DCDC2: variants seen among roughly 807,000 people sequenced by gnomAD.
DCDC2 encodes the protein doublecortin domain containing 2.
In DCDC2, 40 loss-of-function variants were observed where a neutral mutation model predicts 50.2. The observed-to-expected ratio is 0.80, with a 90% CI of 0.62 to 1.04. The LOEUF (loss-of-function observed/expected upper bound fraction) is 1.04, where lower values mean the gene tolerates loss of function less well. DCDC2 is among the 50% of genes least tolerant of loss of function. DCDC2 has a pLI of 0.00. For synonymous variants in DCDC2, 234 were observed against 210.6 expected, an observed-to-expected ratio of 1.11 and a Z score of -0.96; for missense variants, 570 against 581.9, an observed-to-expected ratio of 0.98 and a Z score of 0.21.
At chr6:24,251,489 A>C (rs901928712) in intron 7 of DCDC2, among the ~76,000 whole-genome samples, 1 of 152,162 alleles carries the variant, frequency 6.6e-6, no homozygotes, top group African/African-American at 2.4e-5. Context: ...AAATTCTGCT[A>C]TCTCAGAGAG....
chr6:24,325,865 T>C (rs1255993358), intron 2 of DCDC2, among the ~76,000 whole-genome samples: 2 of 149,014 alleles, frequency 1.3e-5, no homozygotes, highest in Non-Finnish European at 3.0e-5. Context: ...GGTTTTTAAA[T>C]AAAATTAAAA....
intron 4 of DCDC2, among the ~76,000 whole-genome samples, chr6:24,292,888 T>C (rs921211028): frequency 1.3e-5 from 2 of 152,162 alleles, no homozygotes; most frequent in Non-Finnish European, 2.9e-5. Flanking sequence ...CCAAAAATGG[T>C]TTCAGGCACT....
chr6:24,220,923 C>CAAGAGAGTGAGCGAGCGAGCGAGAGAGT (rs1762105008), intron 7 of DCDC2, among the ~76,000 whole-genome samples: 1 of 105,286 alleles, frequency 9.5e-6, no homozygotes, highest in East Asian at 3.8e-4. Context: ...AGCGAGCGAG[C>CAAGAGAGTGAGCGAGCGAGCGAGAGAGT]GAGAGCACAT....
chr6:24,349,638 G>A (rs1031181919), intron 2 of DCDC2, among the ~76,000 whole-genome samples: 6 of 152,102 alleles, frequency 3.9e-5, no homozygotes, highest in Admixed American at 3.3e-4. Context: ...GGACTGAGAG[G>A]TGGGACACGA....
At chr6:24,185,581 G>A (rs1220610203) in intron 8 of DCDC2, among the ~76,000 whole-genome samples, 1 of 152,024 alleles carries the variant, frequency 6.6e-6, no homozygotes, top group Admixed American at 6.6e-5. Context: ...GCTTTTTGGT[G>A]TAATCTCCTT....
intron 7 of DCDC2, among the ~76,000 whole-genome samples, chr6:24,262,382 CACTTAAATAAACTTGATAA>C (rs1391660714): frequency 4.6e-5 from 7 of 152,216 alleles, no homozygotes; most frequent in Non-Finnish European, 7.3e-5. Flanking sequence ...AGTGCCAGAG[CACTTAAATAAACTTGATAA>C]ACTTAAATAA....
At chr6:24,276,526 T>C (rs1048870853) in intron 7 of DCDC2, among the ~76,000 whole-genome samples, 1 of 152,162 alleles carries the variant, frequency 6.6e-6, no homozygotes, top group Non-Finnish European at 1.5e-5. Flanking sequence ...AACATAATTA[T>C]TAAGTGCCTC....
chr6:24,265,493 G>A (rs1236679448), intron 7 of DCDC2, among the ~76,000 whole-genome samples: 1 of 151,956 alleles, frequency 6.6e-6, no homozygotes, highest in African/African-American at 2.4e-5. Flanking sequence ...TCATTCTCAA[G>A]GATAGATCAT....
rs371493288 is a variant in DCDC2, at chr6:24,219,811, T to C, written c.923-14709A>G. On this transcript the variant is annotated intron_variant, in intron 7 of 9. Coordinates refer to ENST00000378454, the MANE Select transcript of DCDC2 (RefSeq NM_016356.5). Reference sequence around the variant, plus strand: ...CATGAGAAGACATGGGTGCAATATGTGTGTGTTTGTGGTTACCAAGCAAGC... The same window carrying C: ...CATGAGAAGACATGGGTGCAATATGCGTGTGTTTGTGGTTACCAAGCAAGC... Among the ~76,000 whole-genome samples, 135 of 152,276 alleles carry C rather than the reference T, an allele frequency of 8.9e-4. No homozygotes were observed. The South Asian group carries it at 0.027, about 30-fold the overall frequency.
intron 2 of DCDC2, among the ~76,000 whole-genome samples, chr6:24,326,134 AGAAGGAAAGAGAG>A (rs200283757): frequency 0.064 from 9,253 of 144,772 alleles, 670 homozygotes; most frequent in African/African-American, 0.098. Context: ...AAAAATAAAA[AGAAGGAAAGAGAG>A]GAAGGAAAGA....
intron 2 of DCDC2, among the ~76,000 whole-genome samples, chr6:24,333,327 A>AG (rs1464041899): frequency 6.6e-6 from 1 of 152,168 alleles, no homozygotes; most frequent in Non-Finnish European, 1.5e-5. Context: ...AGAGAGCAAA[A>AG]GGAAGTGTTA....
At chr6:24,268,984 A>G (rs1763183100) in intron 7 of DCDC2, among the ~76,000 whole-genome samples, 2 of 152,246 alleles carry the variant, frequency 1.3e-5, no homozygotes, top group South Asian at 4.1e-4. Flanking sequence ...TTAAACCTAC[A>G]AAGCTCAAAG....
intron 8 of DCDC2, among the ~76,000 whole-genome samples, chr6:24,180,243 T>A (rs1447978740): frequency 6.6e-6 from 1 of 152,170 alleles, no homozygotes; most frequent in African/African-American, 2.4e-5. Context: ...GGAGCCACCA[T>A]ATTTCTTCAA....
At chr6:24,299,502 A>G (rs765676758) in intron 4 of DCDC2, among the ~76,000 whole-genome samples, 1 of 152,228 alleles carries the variant, frequency 6.6e-6, no homozygotes, top group Non-Finnish European at 1.5e-5. Flanking sequence ...TATAAAAAAG[A>G]GGTAACTGGT....
intron 7 of DCDC2, among the ~76,000 whole-genome samples, chr6:24,215,287 G>A (rs962718301): frequency 5.3e-5 from 8 of 152,216 alleles, no homozygotes; most frequent in African/African-American, 1.9e-4. Flanking sequence ...AGGCAGATCC[G>A]TGTGGCTGCA....
intron 7 of DCDC2, among the ~76,000 whole-genome samples, chr6:24,246,176 A>T (rs1033964665): frequency 2.0e-5 from 3 of 152,132 alleles, no homozygotes; most frequent in Non-Finnish European, 4.4e-5. Flanking sequence ...AAAAGAGATA[A>T]AAACAAACAA....
chr6:24,318,066 A>G (rs1759704902), intron 2 of DCDC2, among the ~76,000 whole-genome samples: 1 of 151,994 alleles, frequency 6.6e-6, no homozygotes, highest in Admixed American at 6.6e-5. Context: ...AATTGGCACA[A>G]AGCTTCCAGA....
At chr6:24,193,164 A>AG (rs934731900) in intron 8 of DCDC2, among the ~76,000 whole-genome samples, 2 of 152,056 alleles carry the variant, frequency 1.3e-5, no homozygotes, top group African/African-American at 4.8e-5. Flanking sequence ...GTTTGATTAG[A>AG]GAAAAAAAAA....
chr6:24,205,515 C>T (rs558899218), intron 7 of DCDC2, among the ~76,000 whole-genome samples: 9 of 152,134 alleles, frequency 5.9e-5, no homozygotes, highest in East Asian at 3.9e-4. Context: ...CAAGAGAATG[C>T]TATGCATTCA....
Sources: gnomAD v4.1 joint callset for allele counts (sites outside exome capture counted in the v4.1 genomes callset) on GRCh38, gnomAD v4.1.1 for gene constraint, MANE v1.5 for transcripts, NCBI Gene and HGNC (gene_info 2026-07-23, HGNC 2026-07-21) for gene names.